Variants in ABLIM2 observed in about 807,000 individuals in gnomAD.
The protein encoded by ABLIM2 is actin binding LIM protein family member 2, also known as actin-binding LIM protein 2.
In ABLIM2, 53 loss-of-function variants were observed where a neutral mutation model predicts 97.7. The ratio of observed to expected loss-of-function variants is 0.54; its 90% CI spans 0.44 to 0.68. ABLIM2 has a LOEUF of 0.68. ABLIM2 is among the 30% of genes least tolerant of loss of function. ABLIM2 has a pLI of 0.00. For synonymous variants in ABLIM2, 361 were observed against 345.8 expected, an observed-to-expected ratio of 1.04 and a Z score of -0.49; for missense variants, 835 against 867.2, an observed-to-expected ratio of 0.96 and a Z score of 0.47.
chr4:8,154,209 G>T (rs576700269), intron 1 of ABLIM2, among the ~76,000 whole-genome samples: 4 of 150,494 alleles, frequency 2.7e-5, no homozygotes, highest in Non-Finnish European at 3.0e-5. Flanking sequence ...TGATCCACCC[G>T]CCTCGGCCTC....
At chr4:8,152,395 G>A (rs188263683) in intron 1 of ABLIM2, among the ~76,000 whole-genome samples, 5 of 152,312 alleles carry the variant, frequency 3.3e-5, no homozygotes, top group East Asian at 3.9e-4. Context: ...AGATGCCACC[G>A]GCCGCTCCGA....
At chr4:8,013,000 CA>C (rs774875215) in intron 14 of ABLIM2, among the ~76,000 whole-genome samples, 4 of 152,122 alleles carry the variant, frequency 2.6e-5, no homozygotes, top group Admixed American at 6.6e-5. Flanking sequence ...ATGGGGGATG[CA>C]GAAAAAACTC....
chr4:8,033,929 A>G lies in ABLIM2; in HGVS notation c.1047+2220T>C, dbSNP rs1163734947. Among the ~76,000 whole-genome samples, 1 of 152,186 alleles carries G rather than the reference A, an allele frequency of 6.6e-6. No individual in the cohort carries two copies. Among genetic ancestry groups the G allele is most frequent in the Non-Finnish European group, 1.5e-5 (1 of 68,034 alleles). Reference sequence around the variant, plus strand: ...CCTCTGCATGTGGCCCTTCATGGCCACAGAGCCCTCCCACAGGGACACACG... The same window carrying G: ...CCTCTGCATGTGGCCCTTCATGGCCGCAGAGCCCTCCCACAGGGACACACG... On this transcript the variant is annotated intron_variant, in intron 10 of 20. Transcript: ENST00000447017. This position sits in a 1 kb window ranked among gnomAD's most constrained non-coding sequence, Gnocchi z 4.5.
At chr4:8,084,518 T>C (rs1028048408) in intron 4 of ABLIM2, among the ~76,000 whole-genome samples, 42 of 152,276 alleles carry the variant, frequency 2.8e-4, no homozygotes, top group African/African-American at 9.6e-4. Flanking sequence ...ACAGCCCAGG[T>C]GGTCAAGCCC....
chr4:8,115,941 C>T (rs371326498), intron 1 of ABLIM2, among the ~76,000 whole-genome samples: 1 of 152,212 alleles, frequency 6.6e-6, no homozygotes, highest in East Asian at 1.9e-4. Flanking sequence ...ACGCTGTGAC[C>T]ACGCATGGAG....
At chr4:8,064,978 A>G (rs1806072261) in intron 6 of ABLIM2, among the ~76,000 whole-genome samples, 1 of 152,242 alleles carries the variant, frequency 6.6e-6, no homozygotes, top group Non-Finnish European at 1.5e-5. Context: ...GGACAGGTGC[A>G]GTGGCTCACA....
intron 1 of ABLIM2, among the ~76,000 whole-genome samples, chr4:8,133,234 C>T (rs769452388): frequency 2.6e-5 from 4 of 152,216 alleles, no homozygotes; most frequent in South Asian, 4.1e-4. Context: ...AGTTCCATCC[C>T]GCAATGACCC....
chr4:8,030,739 G>A (rs1475226390), intron 10 of ABLIM2, among the ~76,000 whole-genome samples: 3 of 152,240 alleles, frequency 2.0e-5, no homozygotes, highest in African/African-American at 7.2e-5. Context: ...CCTCTGCACA[G>A]CCCTGTCCAC....
rs73798927 is a variant in ABLIM2 at position 8,033,165 on chromosome 4, C to T, written c.1047+2984G>A. Among the ~76,000 whole-genome samples, 411 of 152,326 alleles carry T rather than the reference C, an allele frequency of 2.7e-3. 1 individual carries two copies. The highest frequency in any genetic ancestry group is 9.5e-3 in the African/African-American group (394 of 41,572). ...TGGGGCCCTAGACAGCAGGCTGACC[C>T]GTCTTCCCAGGCTGGCACCCCATCC... On this transcript the variant is annotated intron_variant, in intron 10 of 20. Transcript: ENST00000447017. The surrounding 1 kb of genome is among the most constrained non-coding windows in gnomAD (Gnocchi z 4.5).
intron 10 of ABLIM2, 23 bp downstream of exon 10, chr4:8,036,126 G>A: frequency 6.2e-7 from 1 of 1,612,416 alleles, no homozygotes; most frequent in Non-Finnish European, 8.5e-7. Flanking sequence ...AGGTGTCCAG[G>A]GCCATGTGGG....
At chr4:8,121,860 A>AC (rs1845637378) in intron 1 of ABLIM2, among the ~76,000 whole-genome samples, 1 of 152,158 alleles carries the variant, frequency 6.6e-6, no homozygotes, top group Non-Finnish European at 1.5e-5. Context: ...CCAGGCAAAC[A>AC]CCAGGGACTG....
chr4:7,977,918 T>C (rs1363671946), intron 20 of ABLIM2, among the ~76,000 whole-genome samples: 2 of 152,172 alleles, frequency 1.3e-5, no homozygotes, highest in Non-Finnish European at 2.9e-5. Context: ...ATATACAGTA[T>C]GAGCCCTCTT....
At chr4:8,031,947 G>A (rs1182424937) in intron 10 of ABLIM2, among the ~76,000 whole-genome samples, 4 of 152,046 alleles carry the variant, frequency 2.6e-5, no homozygotes, top group South Asian at 2.1e-4. Context: ...GGCTGGTCTC[G>A]AACTCCTGAC....
At chr4:8,086,422 A>ACTGCAAT (rs1403441418) in intron 4 of ABLIM2, among the ~76,000 whole-genome samples, 1 of 143,094 alleles carries the variant, frequency 7.0e-6, no homozygotes, top group African/African-American at 2.6e-5. Flanking sequence ...ATCCCAGCTC[A>ACTGCAAT]CTGCAATCTC....
At chr4:8,014,634 A>T (rs1767547682) in intron 14 of ABLIM2, among the ~76,000 whole-genome samples, 1 of 152,222 alleles carries the variant, frequency 6.6e-6, no homozygotes, top group African/African-American at 2.4e-5. Flanking sequence ...ATGCAGGGTC[A>T]CCCATGTATC....
In ABLIM2 at chr4:8,020,051, A is replaced by T. The variant is rs1315827494; in HGVS notation, c.1369+151T>A. The T allele has an allele frequency of 7.4e-6, 5 of 678,602 alleles. No homozygotes were observed. In the African/African-American group the frequency reaches 7.9e-5, roughly 11 times the overall value. The allele number at this position is 678,602 out of a possible 1,614,324, so 42.0% of individuals were successfully genotyped here. The stretch of plus-strand genomic sequence containing the variant: ...TTGTGAAAACCCGTCTGATGGTTTT[A>T]AAGAAATCTCAGTGCCTGGGGAGCA... On this transcript the variant is annotated intron_variant, in intron 13 of 20. Coordinates refer to ENST00000447017, the MANE Select transcript of ABLIM2 (RefSeq NM_001130083.2).
chr4:8,093,520 C>G (rs2152588440), intron 3 of ABLIM2, among the ~76,000 whole-genome samples: 1 of 152,356 alleles, frequency 6.6e-6, no homozygotes, highest in East Asian at 1.9e-4. Context: ...TTAGCATATT[C>G]AGAGTTGTGC....
intron 1 of ABLIM2, among the ~76,000 whole-genome samples, chr4:8,107,388 T>A (rs1219566046): frequency 6.6e-6 from 1 of 152,168 alleles, no homozygotes; most frequent in Non-Finnish European, 1.5e-5. Flanking sequence ...GGTCTGCCCT[T>A]TGAGGGGCTC....
intron 14 of ABLIM2, among the ~76,000 whole-genome samples, chr4:8,013,504 G>T (rs919516986): frequency 2.6e-5 from 4 of 152,196 alleles, no homozygotes; most frequent in Non-Finnish European, 5.9e-5. Flanking sequence ...GATTACAGGT[G>T]TGAGTCACTG....
Sources: allele counts gnomAD v4.1 joint callset (sites outside exome capture counted in the v4.1 genomes callset), GRCh38; gene constraint gnomAD v4.1.1; non-coding constraint Gnocchi (gnomAD v3.1); transcripts MANE v1.5; gene names NCBI Gene and HGNC (gene_info 2026-07-23, HGNC 2026-07-21).